PCDH19: variants seen among roughly 807,000 people sequenced by gnomAD.
PCDH19 encodes the protein protocadherin 19.
In PCDH19, 6 loss-of-function variants were observed where a neutral mutation model predicts 46.2. That is an observed-to-expected ratio of 0.13 (90% CI 0.07 to 0.26). The LOEUF (loss-of-function observed/expected upper bound fraction) is 0.26. Among genes scored for constraint, PCDH19 ranks in the 10% least tolerant of loss-of-function variants. The pLI, the probability that PCDH19 is intolerant of heterozygous loss-of-function variation, is 1.00. For missense variants in PCDH19, 740 were observed against 972.3 expected (o/e 0.76, Z 3.18); for synonymous variants, 481 against 415.7 (o/e 1.16, Z -1.91).
rs1342060767 is a variant in PCDH19 at position 100,403,537 on chromosome X, G to T, written c.2275C>A (p.Leu759Ile). ...QDKKTEEKVS[L>I]RGKRIAEYSY... ...ATGCCTTTTTACCTCTTTCCCCTTAGGCTCACTTTCTCCTCTGTCTTTTTG... is the reference window on the plus strand; with the variant it reads ...ATGCCTTTTTACCTCTTTCCCCTTATGCTCACTTTCTCCTCTGTCTTTTTG... Residue 759 changes from leucine to isoleucine, a missense_variant, in exon 2 of 6, where the codon CTA becomes ATA. Coordinates refer to ENST00000373034, the MANE Select transcript of PCDH19 (RefSeq NM_001184880.2). 1.7e-6 allele frequency: 2 copies of T among 1,206,567 alleles called. No individual in the cohort carries two copies. Among genetic ancestry groups the T allele is most frequent in the African/African-American group, 1.8e-5 (1 of 56,835 alleles).
chrX:100,328,886 C>G (rs776191198), intron 5 of PCDH19, among the ~76,000 whole-genome samples: 67 of 112,193 alleles, frequency 6.0e-4, no homozygotes, highest in Non-Finnish European at 4.3e-4. Context: ...GTATTTTAAA[C>G]GGAAGATCTA....
chrX:100,322,865 A>ATATATATATATATATTTTTTTT, intron 5 of PCDH19, among the ~76,000 whole-genome samples: 6 of 54,412 alleles, frequency 1.1e-4, no homozygotes, highest in Admixed American at 4.1e-4. Context: ...ATATATATAT[A>ATATATATATATATATTTTTTTT]TTTTTGCAGC....
At position 100,296,404 on chromosome X, in the gene PCDH19, C is replaced by G; in HGVS notation, c.3320G>C (p.Arg1107Pro). ...YVNNVNNGPT[R>P]PSEAEPRGAD... ...TCCACGGGGCTCAGCTTCAGAGGGA[C>G]GAGTAGGGCCATTGTTGACATTGTT... Residue 1107 changes from arginine (R) to proline (P), a missense_variant, in exon 6 of 6, where the codon CGT becomes CCT. Physicochemically the swap from Arg to Pro is moderately radical, Grantham distance 103. Around this residue, in one of 5 missense-constraint regions of PCDH19, gnomAD observed 416 missense variants for 476.8 expected, o/e 0.87. Transcript: ENST00000373034. 8.3e-7 allele frequency: 1 copy of G among 1,210,813 alleles called. No homozygotes were observed. The highest frequency in any genetic ancestry group is 1.7e-5 in the African/African-American group (1 of 57,603).
intron 3 of PCDH19, among the ~76,000 whole-genome samples, chrX:100,370,281 T>C (rs187742641): frequency 8.9e-6 from 1 of 111,982 alleles, no homozygotes; most frequent in Admixed American, 9.5e-5. Flanking sequence ...TTACTTCTGC[T>C]CACAAAAGTA....
In PCDH19 at chrX:100,294,647, C is replaced by CA. The variant is rs1338605041; in HGVS notation, c.*1629dup. ...TATTCCTGAATTTCAAAAAATGAAACAAATGAAAACAGAACCATAAAACTT... is the reference window on the plus strand; with the variant it reads ...TATTCCTGAATTTCAAAAAATGAAACAAAATGAAAACAGAACCATAAAACTT... On this transcript the variant is annotated 3_prime_UTR_variant, in exon 6 of 6. Transcript: ENST00000373034. 9.0e-6 allele frequency: 1 copy of CA among 111,608 alleles called. No individual in the cohort carries two copies. Among genetic ancestry groups the CA allele is most frequent in the Non-Finnish European group, 1.9e-5 (1 of 53,056 alleles). 9.2% of individuals were successfully genotyped at this position (111,608 alleles called of 1,213,427 possible).
intron 3 of PCDH19, among the ~76,000 whole-genome samples, chrX:100,363,085 C>A (rs1466550231): frequency 9.0e-6 from 1 of 111,039 alleles, no homozygotes; most frequent in Non-Finnish European, 1.9e-5. Flanking sequence ...GTGGACGGAT[C>A]ACCTGACGTC....
At chrX:100,305,427 A>G (rs1476369463) in intron 5 of PCDH19, among the ~76,000 whole-genome samples, 1 of 112,060 alleles carries the variant, frequency 8.9e-6, no homozygotes, top group Non-Finnish European at 1.9e-5. Context: ...AGAGCTCTAA[A>G]TCTTGAAACA....
At chrX:100,359,822 T>A (rs1926831221) in intron 3 of PCDH19, among the ~76,000 whole-genome samples, 1 of 110,386 alleles carries the variant, frequency 9.1e-6, no homozygotes, top group Admixed American at 9.7e-5. Context: ...TGTGTGTGTG[T>A]GTGTGTCTGT....
At chrX:100,307,164 G>A (rs1602573748) in intron 5 of PCDH19, among the ~76,000 whole-genome samples, 3 of 111,180 alleles carry the variant, frequency 2.7e-5, no homozygotes, top group South Asian at 3.8e-4. Context: ...AATACTAGCC[G>A]ACCGAATCCA....
chrX:100,358,795 C>T (rs1296428052), intron 3 of PCDH19, among the ~76,000 whole-genome samples: 4 of 112,167 alleles, frequency 3.6e-5, no homozygotes, highest in Non-Finnish European at 7.5e-5. Context: ...GCAGAATCAA[C>T]AATATCTCAG....
At chrX:100,403,450 ACCC>A (rs1201512151) in intron 2 of PCDH19, 71 bp downstream of exon 2, 2 of 1,059,761 alleles carry the variant, frequency 1.9e-6, no homozygotes, top group East Asian at 6.2e-5. Context: ...CCTTTTACTC[ACCC>A]CCCGACCCCC....
chrX:100,345,433 T>G (rs975086126), intron 4 of PCDH19, among the ~76,000 whole-genome samples: 2 of 111,590 alleles, frequency 1.8e-5, no homozygotes, highest in African/African-American at 6.5e-5. Context: ...TAATTAAAAC[T>G]ATATCACTTG....
intron 5 of PCDH19, among the ~76,000 whole-genome samples, chrX:100,329,809 G>A (rs1170553204): frequency 1.8e-5 from 2 of 111,460 alleles, no homozygotes; most frequent in East Asian, 5.7e-4. Context: ...CTACTTGGGA[G>A]GCTGAGGGAA....
Position 100,342,049 on chromosome X carries a change from C to T in PCDH19, c.2702G>A (p.Gly901Asp). ...KSSSTFKDLE[G>D]NSLKDSGHEE... The stretch of plus-strand genomic sequence containing the variant: ...ATGTCCACTATCCTTCAGGCTGTTG[C>T]CCTCTAAGTCCTTGAAGGTGGAGCT... The change falls in exon 5 of 6, where the codon GGC becomes GAC. Residue 901 changes from glycine to aspartate, a missense_variant. Transcript: ENST00000373034. 1 of 1,209,463 alleles carries T rather than the reference C, an allele frequency of 8.3e-7. No homozygotes were observed. Among genetic ancestry groups the T allele is most frequent in the Non-Finnish European group, 1.1e-6 (1 of 893,600 alleles).
intron 5 of PCDH19, among the ~76,000 whole-genome samples, chrX:100,299,836 T>C (rs753533106): frequency 1.8e-5 from 2 of 112,344 alleles, no homozygotes; most frequent in East Asian, 2.8e-4. Context: ...TGTAAACTTA[T>C]TATATGCACT....
intron 5 of PCDH19, among the ~76,000 whole-genome samples, chrX:100,307,354 G>A (rs769104720): frequency 3.8e-4 from 43 of 111,715 alleles, no homozygotes; most frequent in African/African-American, 1.2e-3. Context: ...ATCCCTTTAT[G>A]ATTAAAACCC....
chrX:100,375,411 C>T (rs1927345712), intron 3 of PCDH19, among the ~76,000 whole-genome samples: 1 of 112,008 alleles, frequency 8.9e-6, no homozygotes, highest in Non-Finnish European at 1.9e-5. Flanking sequence ...CATGTCCCTA[C>T]AAAGGACATT....
At chrX:100,334,733 C>T (rs530748674) in intron 5 of PCDH19, among the ~76,000 whole-genome samples, 1 of 93,395 alleles carries the variant, frequency 1.1e-5, no homozygotes, top group African/African-American at 3.9e-5. Context: ...CTGCAGGAAC[C>T]GCATAACATA....
chrX:100,303,809 T>A (rs1251033490), intron 5 of PCDH19, among the ~76,000 whole-genome samples: 1 of 111,594 alleles, frequency 9.0e-6, no homozygotes, highest in Admixed American at 9.5e-5. Context: ...TTCCCTAGCC[T>A]CGTCCTTGTT....
Sources: allele counts gnomAD v4.1 joint callset (sites outside exome capture counted in the v4.1 genomes callset), GRCh38; gene constraint gnomAD v4.1.1; regional missense constraint gnomAD v4.1.1; transcripts MANE v1.5; gene names NCBI Gene and HGNC (gene_info 2026-07-23, HGNC 2026-07-21).